Variants in ACOT11 observed in about 807,000 individuals in gnomAD.
The protein encoded by ACOT11 is acyl-CoA thioesterase 11, also known as acyl-coenzyme A thioesterase 11.
Under a neutral mutation model 77.5 loss-of-function variants are expected in ACOT11, and 69 were observed. That is an observed-to-expected ratio of 0.89 (90% CI 0.73 to 1.09). ACOT11 has a LOEUF of 1.09. Among genes scored for constraint, ACOT11 ranks in the 50% least tolerant of loss-of-function variants. The probability of loss-of-function intolerance (pLI) is 0.00; values close to 1 mark genes in which losing one functional copy is unlikely to be tolerated. For missense variants in ACOT11, 766 were observed against 813.7 expected (o/e 0.94, Z 0.71); for synonymous variants, 279 against 313.0 (o/e 0.89, Z 1.15).
chr1:54,562,911 T>G (rs1489178987), intron 1 of ACOT11, among the ~76,000 whole-genome samples: 1 of 140,572 alleles, frequency 7.1e-6, no homozygotes, highest in Non-Finnish European at 1.5e-5. Context: ...GAGACGCTCC[T>G]CACTTTCCAG....
In ACOT11 at chr1:54,609,219, C is replaced by T. The variant is rs368761147; in HGVS notation, c.*107C>T. 2.9e-5 allele frequency: 46 copies of T among 1,589,794 alleles called. No individual in the cohort carries two copies. The highest frequency in any genetic ancestry group is 1.2e-4 in the African/African-American group (9 of 74,368). On this transcript the variant is annotated 3_prime_UTR_variant, in exon 16 of 16. Coordinates refer to ENST00000343744, the MANE Select transcript of ACOT11 (RefSeq NM_147161.4). Reference sequence around the variant, plus strand: ...AGACCTTTATTTCTTCCTGCCTCCCCGTGGGAAGCCTCCGCCCTGAGGTCC... The same window carrying T: ...AGACCTTTATTTCTTCCTGCCTCCCTGTGGGAAGCCTCCGCCCTGAGGTCC...
At chr1:54,614,862 G>C, downstream of ACOT11, 1 of 1,613,160 alleles carries the variant, frequency 6.2e-7, no homozygotes, top group Admixed American at 1.7e-5. Context: ...TTTGATGCCT[G>C]TGGGGAAAGG....
chr1:54,600,100 C>T (rs377580616), intron 8 of ACOT11, among the ~76,000 whole-genome samples: 15 of 152,170 alleles, frequency 9.9e-5, no homozygotes, highest in East Asian at 7.7e-4. Flanking sequence ...ACTAGTAGAA[C>T]GCCAGAGAAA....
intron 15 of ACOT11, among the ~76,000 whole-genome samples, chr1:54,622,749 T>TTGGGGA (rs774687136): frequency 4.8e-4 from 72 of 150,642 alleles, no homozygotes; most frequent in Non-Finnish European, 9.5e-4. Flanking sequence ...TCAAAAAAAA[T>TTGGGGA]AGTTAACGGG....
rs190071836 is a variant in ACOT11 at position 54,634,205 on chromosome 1, G to A, written c.1783-483G>A. ...TTTAGCTGACTTTGTGGGTATTCTC[G>A]ATAATCATTTTCCTAAAATGAAGCT... On this transcript the variant is annotated intron_variant, in intron 16 of 16. Transcript: ENST00000371316. Among the ~76,000 whole-genome samples the A allele has an allele frequency of 2.0e-3, 299 of 152,242 alleles. 1 individual carries two copies. The highest frequency in any genetic ancestry group is 5.8e-3 in the African/African-American group (241 of 41,554).
intron 1 of ACOT11, among the ~76,000 whole-genome samples, chr1:54,576,865 C>T (rs951011914): frequency 1.3e-5 from 2 of 152,084 alleles, no homozygotes; most frequent in African/African-American, 4.8e-5. Context: ...AAGCCAAACC[C>T]TTTCAGGATT....
chr1:54,574,120 G>A (rs999199607), intron 1 of ACOT11, among the ~76,000 whole-genome samples: 12 of 151,948 alleles, frequency 7.9e-5, no homozygotes, highest in African/African-American at 2.2e-4. Context: ...CTTACCTGCC[G>A]CCCACCACTT....
At position 54,617,709 on chromosome 1, in the gene ACOT11, ATTTTTTTTTTTTTTT is replaced by A. The variant is rs56229276; in HGVS notation, c.1629+9662_1629+9676del. 2.5e-3 allele frequency among the ~76,000 whole-genome samples: 141 copies of A among 55,780 alleles called. 3 individuals are homozygous for A. In the Middle Eastern group the frequency reaches 0.052, roughly 20 times the overall value. 36.6% of individuals were successfully genotyped at this position (55,780 alleles called of 152,430 possible). On this transcript the variant is annotated intron_variant, in intron 15 of 16. Coordinates refer to the ACOT11 transcript ENST00000371316. The stretch of plus-strand genomic sequence containing the variant: ...CACTAGGTCTGCAGCAGGGCCTGAG[ATTTTTTTTTTTTTTT>A]TTTTTTTTTTTTTTTTTTTTATGAA...
chr1:54,560,645 T>C (rs1653438731), intron 1 of ACOT11, among the ~76,000 whole-genome samples: 1 of 152,042 alleles, frequency 6.6e-6, no homozygotes, highest in Admixed American at 6.6e-5. Flanking sequence ...CTTCCTGCTG[T>C]AGCTTCCCCT....
At chr1:54,636,821 AGGGAGTGG>A (rs1402545001) in exon 17 of ACOT11, 1 of 155,152 alleles carries the variant, frequency 6.4e-6, no homozygotes, top group East Asian at 1.9e-4. Flanking sequence ...ACTTGAGATT[AGGGAGTGG>A]TTTGAGATTA....
intron 1 of ACOT11, among the ~76,000 whole-genome samples, chr1:54,552,095 G>A (rs1485923499): frequency 1.3e-5 from 2 of 152,148 alleles, no homozygotes; most frequent in Admixed American, 6.5e-5. Context: ...CCTTTGGCCA[G>A]GGGTTCCTCT....
At chr1:54,613,837 T>A (rs942275394), downstream of ACOT11, among the ~76,000 whole-genome samples, 5 of 152,128 alleles carry the variant, frequency 3.3e-5, no homozygotes, top group Non-Finnish European at 7.3e-5. Context: ...ATAAATTGGA[T>A]GGATGGAGGA....
At position 54,584,517 on chromosome 1, in the gene ACOT11, C is replaced by T. The variant is rs539452382; in HGVS notation, c.34-138C>T. ...CACGGGCTGGAGGGTGGTGACCACT[C>T]TCGGGTTGGGGTCTGGTGGGAGGTG... On this transcript the variant is annotated intron_variant, in intron 1 of 15. Transcript: ENST00000343744. This position sits in a 1 kb window ranked among gnomAD's most constrained non-coding sequence, Gnocchi z 6.3. 4.4e-5 allele frequency: 33 copies of T among 756,042 alleles called. No homozygotes were observed. The South Asian group carries it at 5.9e-4, about 14-fold the overall frequency. 46.8% of individuals were successfully genotyped at this position (756,042 alleles called of 1,614,324 possible). A position where few individuals can be genotyped will look rare whatever the true frequency, so the allele number is the denominator to read the frequency against.
chr1:54,615,623 A>G (rs1200826331), intron 15 of ACOT11, among the ~76,000 whole-genome samples: 1 of 149,172 alleles, frequency 6.7e-6, no homozygotes, highest in East Asian at 2.0e-4. Flanking sequence ...CGTGAGGATG[A>G]GGGAGAGGGA....
intron 9 of ACOT11, among the ~76,000 whole-genome samples, chr1:54,602,288 C>T (rs1315180471): frequency 6.6e-6 from 1 of 152,220 alleles, no homozygotes; most frequent in Admixed American, 6.5e-5. Flanking sequence ...CCAGCCCCAG[C>T]CTCAGAGGGT....
intron 12 of ACOT11, 48 bp from the exon 13 acceptor site, chr1:54,605,028 A>G: frequency 6.4e-6 from 10 of 1,566,974 alleles, no homozygotes; most frequent in Non-Finnish European, 6.9e-6. Context: ...CATCCCCATC[A>G]GTCCACTCCA....
In ACOT11 at chr1:54,609,255, C is replaced by A; in HGVS notation, c.*143C>A. On this transcript the variant is annotated 3_prime_UTR_variant, in exon 16 of 16. Transcript: ENST00000343744. ...TCCGCCCTGAGGTCCGCTGGCCCACCACCCCTGGGTGCTCAGTTTCTACCA... is the reference window on the plus strand; with the variant it reads ...TCCGCCCTGAGGTCCGCTGGCCCACAACCCCTGGGTGCTCAGTTTCTACCA... 6.3e-7 allele frequency: 1 copy of A among 1,596,134 alleles called. No homozygotes were observed. Among genetic ancestry groups the A allele is most frequent in the Non-Finnish European group, 8.6e-7 (1 of 1,168,980 alleles).
chr1:54,632,249 C>A (rs372357584), intron 16 of ACOT11, among the ~76,000 whole-genome samples: 1 of 152,190 alleles, frequency 6.6e-6, no homozygotes, highest in African/African-American at 2.4e-5. Flanking sequence ...TAAACCGGGG[C>A]GTTTCTGGCT....
chr1:54,631,610 GT>G (rs1206695774), intron 16 of ACOT11, among the ~76,000 whole-genome samples: 4 of 152,142 alleles, frequency 2.6e-5, no homozygotes, highest in African/African-American at 9.7e-5. Context: ...GGCTGGGCTG[GT>G]TTCGATGCAC....
Sources: allele counts gnomAD v4.1 joint callset (sites outside exome capture counted in the v4.1 genomes callset), GRCh38; gene constraint gnomAD v4.1.1; non-coding constraint Gnocchi (gnomAD v3.1); transcripts MANE v1.5; gene names NCBI Gene and HGNC (gene_info 2026-07-23, HGNC 2026-07-21).